The following GPC6 variants were observed in gnomAD, a reference collection of about 807,000 sequenced individuals.
The protein encoded by GPC6 is glypican 6, also known as glypican-6.
In GPC6, 14 loss-of-function variants were observed where a neutral mutation model predicts 55.2. That is an observed-to-expected ratio of 0.25 (90% confidence interval 0.17 to 0.40). GPC6 has a LOEUF of 0.40. Ranked by LOEUF, GPC6 falls within the 10% of genes least tolerant of loss-of-function variation. The pLI, the probability that GPC6 is intolerant of heterozygous loss-of-function variation, is 1.00. For missense variants in GPC6, 641 were observed against 708.5 expected (o/e 0.90, Z 1.08); for synonymous variants, 278 against 259.6 (o/e 1.07, Z -0.68).
chr13:93,457,718 A>C (rs1878512777), intron 1 of GPC6, among the ~76,000 whole-genome samples: 1 of 144,376 alleles, frequency 6.9e-6, no homozygotes, highest in Admixed American at 6.8e-5. Flanking sequence ...CACATTCCTC[A>C]CTTAAATTCA....
chr13:93,694,442 A>G (rs952913560), intron 2 of GPC6, among the ~76,000 whole-genome samples: 1 of 152,186 alleles, frequency 6.6e-6, no homozygotes, highest in African/African-American at 2.4e-5. Context: ...ATCTCTTTCC[A>G]CAAAAACATA....
intron 6 of GPC6, among the ~76,000 whole-genome samples, chr13:94,380,509 C>T (rs1039661062): frequency 7.9e-5 from 12 of 151,924 alleles, no homozygotes; most frequent in Non-Finnish European, 1.5e-4. Context: ...CTAGCTTTGC[C>T]GGATATTAAA....
intron 1 of GPC6, among the ~76,000 whole-genome samples, chr13:93,458,896 G>A (rs1418075941): frequency 6.6e-6 from 1 of 152,124 alleles, no homozygotes; most frequent in Non-Finnish European, 1.5e-5. Flanking sequence ...TACTGTATTT[G>A]TAGGGTAATT....
intron 2 of GPC6, among the ~76,000 whole-genome samples, chr13:93,706,299 T>A (rs1882846958): frequency 6.6e-6 from 1 of 151,950 alleles, no homozygotes; most frequent in Admixed American, 6.6e-5. Context: ...AATATTCACC[T>A]ATTTAAAAAA....
intron 3 of GPC6, among the ~76,000 whole-genome samples, chr13:94,016,757 C>G (rs1468036015): frequency 1.3e-5 from 2 of 151,732 alleles, no homozygotes; most frequent in African/African-American, 4.8e-5. Context: ...CAGCAATGTT[C>G]TGTAGTTTTC....
chr13:93,593,643 G>C (rs910470395), intron 2 of GPC6, among the ~76,000 whole-genome samples: 1 of 151,946 alleles, frequency 6.6e-6, no homozygotes, highest in African/African-American at 2.4e-5. Flanking sequence ...TATTCTGCTA[G>C]GTAAAAATAT....
intron 3 of GPC6, among the ~76,000 whole-genome samples, chr13:93,843,129 A>G (rs1382202430): frequency 6.6e-6 from 1 of 150,710 alleles, no homozygotes; most frequent in Non-Finnish European, 1.5e-5. Context: ...TTCTTTTACA[A>G]CCTAAGAGAT....
chr13:93,622,962 T>C (rs1438598482), intron 2 of GPC6, among the ~76,000 whole-genome samples: 4 of 152,222 alleles, frequency 2.6e-5, no homozygotes, highest in Admixed American at 6.5e-5. Flanking sequence ...TCCATACTTC[T>C]ATGAGATTAG....
chr13:93,960,126 T>C (rs1279736887), intron 3 of GPC6, among the ~76,000 whole-genome samples: 2 of 152,204 alleles, frequency 1.3e-5, no homozygotes, highest in Non-Finnish European at 2.9e-5. Flanking sequence ...ACGTCCTTCT[T>C]GCTGGTATTT....
In GPC6 at chr13:93,722,000, C is replaced by T. The variant is rs529255124; in HGVS notation, c.320-108154C>T. Among the ~76,000 whole-genome samples, 5 of 151,740 alleles carry T rather than the reference C, an allele frequency of 3.3e-5. No homozygotes were observed. In the East Asian group the frequency reaches 9.7e-4, roughly 30 times the overall value. On this transcript the variant is annotated intron_variant, in intron 2 of 8. Coordinates refer to ENST00000377047, the MANE Select transcript of GPC6 (RefSeq NM_005708.5). ...TAATATTTAAGATAATCCTCTAAGCCTTACTCATTATTCAGTGTCTTGGAA... is the reference window on the plus strand; with the variant it reads ...TAATATTTAAGATAATCCTCTAAGCTTTACTCATTATTCAGTGTCTTGGAA...
intron 6 of GPC6, among the ~76,000 whole-genome samples, chr13:94,359,499 G>T (rs1261609988): frequency 1.3e-5 from 2 of 152,142 alleles, no homozygotes; most frequent in Admixed American, 6.5e-5. Context: ...GACTCACAGT[G>T]TAACCTCACA....
intron 1 of GPC6, among the ~76,000 whole-genome samples, chr13:93,511,644 CT>C (rs896571662): frequency 2.6e-5 from 4 of 151,738 alleles, no homozygotes; most frequent in African/African-American, 7.3e-5. Context: ...CTAAGGATTG[CT>C]TTGGCTATTT....
intron 1 of GPC6, among the ~76,000 whole-genome samples, chr13:93,459,496 T>C (rs2590554): frequency 0.91 from 138,251 of 152,262 alleles, 64,297 homozygotes; most frequent in East Asian, 1. Flanking sequence ...AAGGATTCAT[T>C]GGTGGTCTAA....
At chr13:94,293,585 G>C (rs1875136905) in intron 5 of GPC6, among the ~76,000 whole-genome samples, 1 of 152,188 alleles carries the variant, frequency 6.6e-6, no homozygotes, top group Non-Finnish European at 1.5e-5. Context: ...GACTAATACA[G>C]AGGACAAGAC....
intron 2 of GPC6, among the ~76,000 whole-genome samples, chr13:93,589,647 G>A (rs1186851734): frequency 6.6e-6 from 1 of 152,116 alleles, no homozygotes; most frequent in African/African-American, 2.4e-5. Context: ...ACTAAAGTCT[G>A]GGAAAATCAC....
chr13:94,368,780 G>A (rs1395256708), intron 6 of GPC6, among the ~76,000 whole-genome samples: 3 of 152,196 alleles, frequency 2.0e-5, no homozygotes, highest in Non-Finnish European at 4.4e-5. Flanking sequence ...GTTGCTGAAG[G>A]AGTATGCATG....
At chr13:93,862,382 C>T (rs1387880835) in intron 3 of GPC6, among the ~76,000 whole-genome samples, 1 of 151,332 alleles carries the variant, frequency 6.6e-6, no homozygotes, top group Non-Finnish European at 1.5e-5. Flanking sequence ...TTCTCTACTG[C>T]TCCGTGAGTT....
intron 1 of GPC6, among the ~76,000 whole-genome samples, chr13:93,290,885 C>T (rs74110506): frequency 0.026 from 3,968 of 152,152 alleles, 202 homozygotes; most frequent in East Asian, 0.23. Flanking sequence ...TGCATAAAAA[C>T]AGCCATTATG....
intron 4 of GPC6, among the ~76,000 whole-genome samples, chr13:94,227,830 A>C (rs763309579): frequency 6.6e-6 from 1 of 152,144 alleles, no homozygotes; most frequent in Non-Finnish European, 1.5e-5. Flanking sequence ...GAACACTGCC[A>C]ATCACCGAGG....
Sources: gnomAD v4.1 joint callset for allele counts (sites outside exome capture counted in the v4.1 genomes callset) on GRCh38, gnomAD v4.1.1 for gene constraint, MANE v1.5 for transcripts, NCBI Gene and HGNC (gene_info 2026-07-23, HGNC 2026-07-21) for gene names.